ECE1: variants seen among roughly 807,000 people sequenced by gnomAD.
The protein encoded by ECE1 is endothelin-converting enzyme 1.
A neutral mutation model predicts 98.6 loss-of-function variants in ECE1; 35 were observed. That is an observed-to-expected ratio of 0.35 (90% CI 0.27 to 0.47). The LOEUF is 0.47. Among genes scored for constraint, ECE1 ranks in the 20% least tolerant of loss-of-function variants. The pLI, the probability that ECE1 is intolerant of heterozygous loss-of-function variation, is 1.00. For synonymous variants in ECE1, 394 were observed against 407.1 expected (o/e 0.97, Z 0.39); for missense variants, 814 against 1,025.3 (o/e 0.79, Z 2.81).
At chr1:21,326,450 A>AAGGGTGAAGAAGGGGTCC (rs1639080397) in intron 1 of ECE1, among the ~76,000 whole-genome samples, 1 of 152,066 alleles carries the variant, frequency 6.6e-6, no homozygotes, top group Non-Finnish European at 1.5e-5. Context: ...TCCAGGGTCT[A>AAGGGTGAAGAAGGGGTCC]AGGGTGAAGA....
chr1:21,271,916 T>A (rs1473331364), intron 4 of ECE1, among the ~76,000 whole-genome samples: 1 of 151,924 alleles, frequency 6.6e-6, no homozygotes, highest in Non-Finnish European at 1.5e-5. Context: ...TAAGCTGTTG[T>A]TAGAACTTTC....
intron 1 of ECE1, among the ~76,000 whole-genome samples, chr1:21,329,029 C>A (rs551361026): frequency 6.0e-4 from 92 of 152,224 alleles, no homozygotes; most frequent in African/African-American, 2.1e-3. Flanking sequence ...GCATCCATTC[C>A]CCCTACCAGG....
At chr1:21,257,440 C>G in intron 7 of ECE1, 85 bp downstream of exon 7, 1 of 1,506,808 alleles carries the variant, frequency 6.6e-7, no homozygotes, top group Non-Finnish European at 9.1e-7. Context: ...CCCCTAGCTT[C>G]AAAGACCTGC....
In ECE1 at chr1:21,307,505, AT is replaced by A. The variant is rs1369059585; in HGVS notation, c.4-17350del. On this transcript the variant is annotated intron_variant, in intron 1 of 18. Coordinates refer to the ECE1 transcript ENST00000415912. The surrounding 1 kb of genome is among the most constrained non-coding windows in gnomAD (Gnocchi z 4.2). ...GCACAGTGGCTGGCACATATTAAGTATTTCATAAAAAGCAAGTTTTAAACAT... is the reference window on the plus strand; with the variant it reads ...GCACAGTGGCTGGCACATATTAAGTATTCATAAAAAGCAAGTTTTAAACAT... Among the ~76,000 whole-genome samples, 1 of 152,168 alleles carries A rather than the reference AT, an allele frequency of 6.6e-6. No individual in the cohort carries two copies. The highest frequency in any genetic ancestry group is 2.4e-5 in the African/African-American group (1 of 41,434).
chr1:21,282,601 A>AAG (rs1553365440), intron 2 of ECE1, among the ~76,000 whole-genome samples: 2 of 150,888 alleles, frequency 1.3e-5, no homozygotes, highest in Non-Finnish European at 2.9e-5. Context: ...AAAAAAAAAA[A>AAG]AAAGAAAGAA....
rs1250095807 is a variant in ECE1, at chr1:21,340,466, C to T, written c.3+4910G>A. ...ACTGGTTTCCCAGCCTTCGGCCTCA[C>T]TCCTTCTACTCAATCACCACAAAGC... On this transcript the variant is annotated intron_variant, in intron 1 of 18. Coordinates refer to the ECE1 transcript ENST00000415912. The surrounding 1 kb of genome is among the most constrained non-coding windows in gnomAD (Gnocchi z 4.6). Among the ~76,000 whole-genome samples the T allele has an allele frequency of 6.6e-6, 1 of 152,264 alleles. No individual in the cohort carries two copies. Among genetic ancestry groups the T allele is most frequent in the Non-Finnish European group, 1.5e-5 (1 of 68,048 alleles).
chr1:21,332,630 G>A (rs1398476251), intron 1 of ECE1, among the ~76,000 whole-genome samples: 1 of 85,794 alleles, frequency 1.2e-5, no homozygotes. Context: ...AGGAGAGAGA[G>A]GGGAGGGAAG....
rs181614285 is a variant in ECE1 at position 21,263,164 on chromosome 1, T to C, written c.494-2772A>G. ...GTAGAAGCAGGGGCTGTGCCTGGGC[T>C]GCCCCTCCGCCATTCCATGTCTTAG... On this transcript the variant is annotated intron_variant, in intron 4 of 18. Coordinates refer to ENST00000374893, the MANE Select transcript of ECE1 (RefSeq NM_001397.3). 3.1e-3 allele frequency among the ~76,000 whole-genome samples: 467 copies of C among 152,178 alleles called. 2 individuals are homozygous for C. Among genetic ancestry groups the C allele is most frequent in the African/African-American group, 0.011 (452 of 41,540 alleles).
At chr1:21,335,291 A>G (rs996055277) in intron 1 of ECE1, among the ~76,000 whole-genome samples, 5 of 150,854 alleles carry the variant, frequency 3.3e-5, no homozygotes, top group African/African-American at 9.8e-5. Flanking sequence ...TCTCCACCAC[A>G]TCGCCCTGTT....
intron 1 of ECE1, among the ~76,000 whole-genome samples, chr1:21,309,769 TTTTTTTTTCTTTC>T (rs1357463946): frequency 9.9e-4 from 148 of 149,522 alleles, no homozygotes; most frequent in African/African-American, 2.9e-3. Context: ...CTGGATTTTC[TTTTTTTTTCTTTC>T]TTTTTTTTTT....
chr1:21,325,918 C>T (rs1486456218), intron 1 of ECE1, among the ~76,000 whole-genome samples: 1 of 152,174 alleles, frequency 6.6e-6, no homozygotes, highest in Non-Finnish European at 1.5e-5. Context: ...CCGAAGCTGC[C>T]GGTGGCACTT....
At chr1:21,331,690 C>G (rs973811032) in intron 1 of ECE1, among the ~76,000 whole-genome samples, 1 of 152,112 alleles carries the variant, frequency 6.6e-6, no homozygotes, top group Non-Finnish European at 1.5e-5. Flanking sequence ...TACATTACCT[C>G]TCTGTCCCTC....
chr1:21,288,556 G>A (rs2098263079), intron 2 of ECE1, among the ~76,000 whole-genome samples: 1 of 152,198 alleles, frequency 6.6e-6, no homozygotes, highest in African/African-American at 2.4e-5. Context: ...CCCCAAACAG[G>A]CTGCTGTGAG....
At chr1:21,285,689 CAAA>C (rs11454934) in intron 2 of ECE1, among the ~76,000 whole-genome samples, 11 of 71,818 alleles carry the variant, frequency 1.5e-4, no homozygotes, top group Middle Eastern at 9.6e-3. Flanking sequence ...GACCCTGCCT[CAAA>C]AAAAAAAAAA....
intron 14 of ECE1, among the ~76,000 whole-genome samples, chr1:21,232,308 CT>C (rs1286274213): frequency 6.7e-6 from 1 of 148,880 alleles, no homozygotes; most frequent in African/African-American, 2.5e-5. Flanking sequence ...TTCTTTCTTT[CT>C]TTTTTTTCAG....
At chr1:21,321,880 T>C (rs1638973060) in intron 1 of ECE1, among the ~76,000 whole-genome samples, 1 of 152,172 alleles carries the variant, frequency 6.6e-6, no homozygotes. Context: ...CCTCCCAAAG[T>C]GCTGGGATTA....
In ECE1 at chr1:21,345,466, G is replaced by C; in HGVS notation, c.-88C>G. ...CGGGTTCCCTGCTCCCAGCCCAGCT[G>C]CTCGGACGGCTCGGCTGCCTGGCCC... On this transcript the variant is annotated 5_prime_UTR_variant, in exon 1 of 19. Coordinates refer to the ECE1 transcript ENST00000415912. The surrounding 1 kb of genome is among the most constrained non-coding windows in gnomAD (Gnocchi z 5.1). The C allele has an allele frequency of 8.6e-7, 1 of 1,167,498 alleles. No homozygotes were observed. The highest frequency in any genetic ancestry group is 1.1e-6 in the Non-Finnish European group (1 of 921,536). The allele number at this position is 1,167,498 out of a possible 1,614,324, so 72.3% of individuals were successfully genotyped here.
At chr1:21,309,114 C>A (rs1405912447) in intron 1 of ECE1, among the ~76,000 whole-genome samples, 1 of 152,242 alleles carries the variant, frequency 6.6e-6, no homozygotes, top group Non-Finnish European at 1.5e-5. Flanking sequence ...TCTCTCCTTT[C>A]CCCTCACTCA....
intron 1 of ECE1, among the ~76,000 whole-genome samples, chr1:21,323,751 G>A (rs192063058): frequency 1.8e-3 from 281 of 152,050 alleles, no homozygotes; most frequent in African/African-American, 6.4e-3. Context: ...TAGACTGTGG[G>A]AGGGGCTAAG....
Sources: allele counts gnomAD v4.1 joint callset (sites outside exome capture counted in the v4.1 genomes callset), GRCh38; gene constraint gnomAD v4.1.1; non-coding constraint Gnocchi (gnomAD v3.1); transcripts MANE v1.5; gene names NCBI Gene and HGNC (gene_info 2026-07-23, HGNC 2026-07-21).